Variants in UGGT1 observed in about 807,000 individuals in gnomAD.
The protein encoded by UGGT1 is UDP-glucose:glycoprotein glucosyltransferase 1.
In UGGT1, 107 loss-of-function variants were observed where a neutral mutation model predicts 203.9. That is an observed-to-expected ratio of 0.52 (90% confidence interval 0.45 to 0.62). UGGT1 has a LOEUF of 0.62. Among genes scored for constraint, UGGT1 ranks in the 20% least tolerant of loss-of-function variants. The probability of loss-of-function intolerance (pLI) is 0.00; values close to 1 mark genes in which losing one functional copy is unlikely to be tolerated. For synonymous variants in UGGT1, 628 were observed against 653.5 expected (o/e 0.96, Z 0.59); for missense variants, 1,673 against 1,867.2 (o/e 0.90, Z 1.92).
At chr2:128,161,517 G>A (rs1303599841) in intron 25 of UGGT1, among the ~76,000 whole-genome samples, 5 of 151,950 alleles carry the variant, frequency 3.3e-5, no homozygotes, top group African/African-American at 9.7e-5. Context: ...TTTTGGTTGT[G>A]GAAAATTTCA....
intron 16 of UGGT1, 67 bp from the exon 17 acceptor site, chr2:128,143,027 T>A: frequency 1.9e-5 from 27 of 1,389,414 alleles, no homozygotes; most frequent in South Asian, 6.9e-5. Context: ...TTCAGAAAAA[T>A]GTGGAATAAA....
At chr2:128,127,600 C>T in intron 12 of UGGT1, 148 bp downstream of exon 12, 3 of 616,828 alleles carry the variant, frequency 4.9e-6, no homozygotes, top group East Asian at 2.9e-5. Flanking sequence ...GTAGTAGGCA[C>T]ATGCCATGAT....
intron 25 of UGGT1, 59 bp downstream of exon 25, chr2:128,161,327 C>T: frequency 6.3e-7 from 1 of 1,578,990 alleles, no homozygotes; most frequent in Non-Finnish European, 8.6e-7. Context: ...CCTCATTGAT[C>T]AGTTAGAATT....
rs757093141 is a variant in UGGT1, at chr2:128,172,557, T to C, written c.3105-16T>C. On this transcript the variant is annotated splice_polypyrimidine_tract_variant and intron_variant, in intron 28 of 40. Coordinates refer to ENST00000259253, the MANE Select transcript of UGGT1 (RefSeq NM_020120.4). ...TCACATCGAAAATTATCTAACACTT[T>C]CCTTTTCAATTTCAGCTTTTACCGT... 38 of 1,613,428 alleles carry C rather than the reference T, an allele frequency of 2.4e-5. No individual in the cohort carries two copies. Among genetic ancestry groups the C allele is most frequent in the Non-Finnish European group, 2.8e-5 (33 of 1,179,738 alleles).
rs190821270 is a variant in UGGT1 at position 128,186,715 on chromosome 2, A to G, written c.4392A>G (p.Pro1464=). 198 of 1,613,734 alleles carry G rather than the reference A, an allele frequency of 1.2e-4. No individual in the cohort carries two copies. The Admixed American group carries it at 1.4e-3, about 11-fold the overall frequency. The change falls in exon 39 of 41, where the codon CCA becomes CCG. Residue 1464 remains proline, a synonymous_variant. Transcript: ENST00000259253. Reference sequence around the variant, plus strand: ...CCAATAACATGATTCATCAGGTGCCAATTAAATCCCTCCCTCAAGAATGGC... The same window carrying G: ...CCAATAACATGATTCATCAGGTGCCGATTAAATCCCTCCCTCAAGAATGGC... The part of the protein sequence containing the change: ...DLPNNMIHQV[P]IKSLPQEWLW...
intron 15 of UGGT1, among the ~76,000 whole-genome samples, chr2:128,138,362 A>G (rs898734961): frequency 6.6e-6 from 1 of 152,174 alleles, no homozygotes; most frequent in Non-Finnish European, 1.5e-5. Context: ...TCTACTAAAA[A>G]TACAAAAAAT....
intron 26 of UGGT1, among the ~76,000 whole-genome samples, chr2:128,169,861 G>A (rs1229071327): frequency 6.6e-6 from 1 of 152,212 alleles, no homozygotes; most frequent in Admixed American, 6.5e-5. Context: ...AGTGGGCTGG[G>A]ATAGTGAATA....
intron 6 of UGGT1, among the ~76,000 whole-genome samples, 171 bp downstream of exon 6, chr2:128,113,429 C>T (rs192925045): frequency 4.1e-4 from 62 of 152,244 alleles, no homozygotes; most frequent in South Asian, 6.2e-4. Context: ...ATGTGCTTTG[C>T]TTGGCTTTCT....
intron 5 of UGGT1, among the ~76,000 whole-genome samples, chr2:128,110,659 C>CT (rs1184052796): frequency 1.3e-5 from 2 of 152,212 alleles, no homozygotes; most frequent in African/African-American, 4.8e-5. Flanking sequence ...TCTCCTCTCT[C>CT]TGAGAGGCGG....
intron 40 of UGGT1, 137 bp from the exon 41 acceptor site, chr2:128,189,580 C>A: frequency 1.1e-6 from 1 of 912,312 alleles, no homozygotes; most frequent in Non-Finnish European, 1.7e-6. Flanking sequence ...AAGCACAAAT[C>A]CCAAAGATTT....
chr2:128,125,654 T>C (rs533357348), intron 11 of UGGT1, among the ~76,000 whole-genome samples: 3 of 152,344 alleles, frequency 2.0e-5, no homozygotes, highest in South Asian at 4.1e-4. Flanking sequence ...AATGTTCTTA[T>C]GTTCAATTCA....
chr2:128,111,788 A>G (rs1687865076), intron 5 of UGGT1, among the ~76,000 whole-genome samples: 1 of 148,836 alleles, frequency 6.7e-6, no homozygotes, highest in Non-Finnish European at 1.5e-5. Flanking sequence ...AGCCACCACG[A>G]CCGGCCTATA....
intron 17 of UGGT1, among the ~76,000 whole-genome samples, chr2:128,143,726 A>G (rs1689548735): frequency 6.6e-6 from 1 of 152,122 alleles, no homozygotes; most frequent in Non-Finnish European, 1.5e-5. Context: ...TATTATTTAT[A>G]TTTCATCCAT....
intron 5 of UGGT1, among the ~76,000 whole-genome samples, chr2:128,112,782 C>T (rs1357397342): frequency 6.6e-6 from 1 of 151,556 alleles, no homozygotes; most frequent in African/African-American, 2.4e-5. Context: ...CGAGGTTTTG[C>T]TATGTTGCCC....
intron 2 of UGGT1, chr2:128,102,990 T>C: frequency 2.2e-6 from 1 of 458,634 alleles, no homozygotes; most frequent in Non-Finnish European, 4.5e-6. Flanking sequence ...TAATATATTA[T>C]GATAATGGGT....
chr2:128,102,910 T>C (rs868023093), intron 2 of UGGT1, among the ~76,000 whole-genome samples: 1 of 152,208 alleles, frequency 6.6e-6, no homozygotes, highest in Admixed American at 6.5e-5. Context: ...ATGCCAAGCT[T>C]GGTGTGGTGT....
rs550194795 is a variant in UGGT1 at position 128,146,256 on chromosome 2, A to C, written c.2016+289A>C. On this transcript the variant is annotated intron_variant, in intron 18 of 40. Transcript: ENST00000259253. ...AGCCCAGGAGTTTAAGGTTGCAGTGAGCTGTGATTACCCCACTGTACCCCA... is the reference window on the plus strand; with the variant it reads ...AGCCCAGGAGTTTAAGGTTGCAGTGCGCTGTGATTACCCCACTGTACCCCA... Among the ~76,000 whole-genome samples, 273 of 152,236 alleles carry C rather than the reference A, an allele frequency of 1.8e-3. 1 individual carries two copies. Among genetic ancestry groups the C allele is most frequent in the Non-Finnish European group, 3.5e-3 (239 of 68,024 alleles).
At chr2:128,094,931 T>C (rs909610004) in intron 1 of UGGT1, among the ~76,000 whole-genome samples, 5 of 152,002 alleles carry the variant, frequency 3.3e-5, no homozygotes, top group Non-Finnish European at 7.4e-5. Context: ...GTATTTTTAG[T>C]AGAGACGGGG....
At chr2:128,180,235 A>T (rs528545774) in intron 35 of UGGT1, among the ~76,000 whole-genome samples, 1 of 152,210 alleles carries the variant, frequency 6.6e-6, no homozygotes, top group Admixed American at 6.5e-5. Context: ...CTCCTAGATG[A>T]TGTATGGAAG....
Sources: allele counts gnomAD v4.1 joint callset (sites outside exome capture counted in the v4.1 genomes callset), GRCh38; gene constraint gnomAD v4.1.1; transcripts MANE v1.5; gene names NCBI Gene and HGNC (gene_info 2026-07-23, HGNC 2026-07-21).